ZFYVE21: variants seen among roughly 807,000 people sequenced by gnomAD.
ZFYVE21 encodes zinc finger FYVE-type containing 21.
In ZFYVE21, 21 loss-of-function variants were observed where a neutral mutation model predicts 29.5. That is an observed-to-expected ratio of 0.71 (90% CI 0.50 to 1.02). ZFYVE21 has a LOEUF of 1.02. Ranked by LOEUF, ZFYVE21 falls within the 50% of genes least tolerant of loss-of-function variation. ZFYVE21 has a pLI of 0.00. For missense variants in ZFYVE21, 326 were observed against 335.4 expected (o/e 0.97, Z 0.22); for synonymous variants, 151 against 133.8 (o/e 1.13, Z -0.89).
chr14:103,732,853 C>G, intron 6 of ZFYVE21, 91 bp downstream of exon 6: 1 of 1,599,616 alleles, frequency 6.3e-7, no homozygotes, highest in Non-Finnish European at 8.5e-7. Context: ...GCCATTTGCC[C>G]CCTATCCCCA....
chr14:103,716,071 CGCCTCCGGGCG>C lies in ZFYVE21; in HGVS notation c.138+96_138+106del. On this transcript the variant is annotated intron_variant, in intron 1 of 6. Coordinates refer to ENST00000311141, the MANE Select transcript of ZFYVE21 (RefSeq NM_024071.4). The surrounding 1 kb of genome is among the most constrained non-coding windows in gnomAD (Gnocchi z 4.8). ...TTCCAGGCTCCCGCGACGACCCCTC[CGCCTCCGGGCG>C]GCCCCTTCCCCAGCCGGCCCCCGCC... is the stretch of plus-strand genomic sequence containing the variant. The C allele has an allele frequency of 8.9e-7, 1 of 1,122,010 alleles. No individual in the cohort carries two copies. The highest frequency in any genetic ancestry group is 1.1e-6 in the Non-Finnish European group (1 of 910,646). The allele number at this position is 1,122,010 out of a possible 1,614,324, so 69.5% of individuals were successfully genotyped here. A position where few individuals can be genotyped will look rare whatever the true frequency, so the allele number is the denominator to read the frequency against.
chr14:103,723,600 G>C (rs560711548), intron 1 of ZFYVE21, among the ~76,000 whole-genome samples: 1 of 152,208 alleles, frequency 6.6e-6, no homozygotes, highest in African/African-American at 2.4e-5. Context: ...TGAGGCCCTC[G>C]TGTGGGTCGC....
At chr14:103,730,126 C>CT (rs1288234376) in intron 5 of ZFYVE21, 7 of 441,052 alleles carry the variant, frequency 1.6e-5, no homozygotes, top group Non-Finnish European at 2.8e-5. Context: ...CCTGAACAGG[C>CT]TGAGGCCAGG....
Position 103,716,475 on chromosome 14 carries a change from G to A in ZFYVE21, c.138+496G>A, listed in dbSNP as rs564332087. Among the ~76,000 whole-genome samples the A allele has an allele frequency of 4.3e-4, 66 of 152,346 alleles. No homozygotes were observed. Among genetic ancestry groups the A allele is most frequent in the Non-Finnish European group, 7.8e-4 (53 of 68,028 alleles). Reference sequence around the variant, plus strand: ...GGGTCCCTCCCGGGAACCGGGGGAGGCGTCGGTGCCGCGGGCGGGTGGCCG... The same window carrying A: ...GGGTCCCTCCCGGGAACCGGGGGAGACGTCGGTGCCGCGGGCGGGTGGCCG... On this transcript the variant is annotated intron_variant, in intron 1 of 6. Coordinates refer to ENST00000311141, the MANE Select transcript of ZFYVE21 (RefSeq NM_024071.4). The surrounding 1 kb of genome is among the most constrained non-coding windows in gnomAD (Gnocchi z 4.8).
Position 103,729,003 on chromosome 14 carries a change from T to G in ZFYVE21, c.434+20T>G. 1 of 1,613,932 alleles carries G rather than the reference T, an allele frequency of 6.2e-7. No individual in the cohort carries two copies. Among genetic ancestry groups the G allele is most frequent in the Non-Finnish European group, 8.5e-7 (1 of 1,179,932 alleles). On this transcript the variant is annotated intron_variant, in intron 4 of 6. Transcript: ENST00000311141. Reference sequence around the variant, plus strand: ...CCAGAGGTAAGAGCCGGATCCTGCTTGGCACGGGGCAGCATTGTCACAGAC... The same window carrying G: ...CCAGAGGTAAGAGCCGGATCCTGCTGGGCACGGGGCAGCATTGTCACAGAC...
At chr14:103,727,563 G>A in intron 2 of ZFYVE21, 183 bp from the exon 3 acceptor site, 1 of 764,578 alleles carries the variant, frequency 1.3e-6, no homozygotes, top group Non-Finnish European at 2.3e-6. Flanking sequence ...TCCCAGGTGA[G>A]GCGGATCCCC....
intron 1 of ZFYVE21, chr14:103,724,712 G>GA (rs1595690208): frequency 6.6e-6 from 1 of 152,262 alleles, no homozygotes; most frequent in African/African-American, 2.4e-5. Context: ...TCTCTCCCAA[G>GA]AGGACCCCTT....
chr14:103,727,637 GGGCCTCGCGTTT>G (rs777243903), intron 2 of ZFYVE21, 97 bp from the exon 3 acceptor site: 1 of 1,431,924 alleles, frequency 7.0e-7, no homozygotes, highest in Non-Finnish European at 9.6e-7. Context: ...GCCGGCACAG[GGGCCTCGCGTTT>G]AGGCGTGGCC....
chr14:103,718,683 G>A (rs2083848565), intron 1 of ZFYVE21, among the ~76,000 whole-genome samples: 1 of 152,188 alleles, frequency 6.6e-6, no homozygotes, highest in Non-Finnish European at 1.5e-5. Flanking sequence ...GGCGGTCCGG[G>A]CGTGCAGCCA....
In ZFYVE21 at chr14:103,728,992, C is replaced by T. The variant is rs745871678; in HGVS notation, c.434+9C>T. 14 of 1,613,766 alleles carry T rather than the reference C, an allele frequency of 8.7e-6. No homozygotes were observed. Among genetic ancestry groups the T allele is most frequent in the South Asian group, 5.5e-5 (5 of 91,060 alleles). ...CTTTCCAATAACCAGAGGTAAGAGCCGGATCCTGCTTGGCACGGGGCAGCA... is the reference window on the plus strand; with the variant it reads ...CTTTCCAATAACCAGAGGTAAGAGCTGGATCCTGCTTGGCACGGGGCAGCA... On this transcript the variant is annotated intron_variant, in intron 4 of 6. Coordinates refer to ENST00000311141, the MANE Select transcript of ZFYVE21 (RefSeq NM_024071.4).
intron 1 of ZFYVE21, among the ~76,000 whole-genome samples, chr14:103,717,837 T>C (rs1483947250): frequency 6.6e-6 from 1 of 152,134 alleles, no homozygotes; most frequent in Non-Finnish European, 1.5e-5. Context: ...TGTCTCTGAG[T>C]TTTGCGTTGT....
chr14:103,726,947 C>CG, intron 2 of ZFYVE21, 105 bp downstream of exon 2: 1 of 679,998 alleles, frequency 1.5e-6, no homozygotes, highest in Non-Finnish European at 2.2e-6. Context: ...TCTTATGGCT[C>CG]GTTTTTTTTT....
At chr14:103,721,363 C>T (rs765259057) in intron 1 of ZFYVE21, among the ~76,000 whole-genome samples, 10 of 152,346 alleles carry the variant, frequency 6.6e-5, no homozygotes, top group Non-Finnish European at 7.3e-5. Flanking sequence ...CCCTGATCCT[C>T]GCTCCCTCTT....
At chr14:103,718,868 G>T (rs373911548) in intron 1 of ZFYVE21, among the ~76,000 whole-genome samples, 2 of 152,226 alleles carry the variant, frequency 1.3e-5, no homozygotes, top group Non-Finnish European at 2.9e-5. Context: ...GAGAGAGCAC[G>T]TGCGCGTCTG....
In ZFYVE21 at chr14:103,723,052, T is replaced by C. The variant is rs144258121; in HGVS notation, c.139-3740T>C. ...TTTCACCACCGTCTGCTGAGAATAT[T>C]GAGAGCCCTCTCCCCTCCTGTCGGG... On this transcript the variant is annotated intron_variant, in intron 1 of 6. Coordinates refer to ENST00000311141, the MANE Select transcript of ZFYVE21 (RefSeq NM_024071.4). 7.0e-3 allele frequency among the ~76,000 whole-genome samples: 1,064 copies of C among 152,342 alleles called. 9 individuals carry two copies. The highest frequency in any genetic ancestry group is 0.024 in the African/African-American group (991 of 41,578).
rs539917931 is a variant in ZFYVE21 at position 103,716,028 on chromosome 14, C to G, written c.138+49C>G. 4.2e-6 allele frequency: 5 copies of G among 1,185,396 alleles called. No homozygotes were observed. The Admixed American group carries it at 1.8e-4, about 44-fold the overall frequency. 73.4% of individuals were successfully genotyped at this position (1,185,396 alleles called of 1,614,324 possible). ...GCGCCTCCGACCCGCCCCGCCGCCC[C>G]GGCCCGGCCCCGCGGGCTTCCAGGC... On this transcript the variant is annotated intron_variant, in intron 1 of 6. Transcript: ENST00000311141. This position sits in a 1 kb window ranked among gnomAD's most constrained non-coding sequence, Gnocchi z 4.8.
chr14:103,729,887 G>A (rs780265645), intron 5 of ZFYVE21: 16 of 1,533,790 alleles, frequency 1.0e-5, no homozygotes, highest in Middle Eastern at 1.7e-4. Flanking sequence ...CGCATGCAGC[G>A]GGCCCGTTCC....
chr14:103,721,699 A>G (rs1269384606), intron 1 of ZFYVE21, among the ~76,000 whole-genome samples: 1 of 152,140 alleles, frequency 6.6e-6, no homozygotes, highest in East Asian at 1.9e-4. Flanking sequence ...CTCCCTCTTC[A>G]TCTCTGTGTG....
rs549412639 is a variant in ZFYVE21 at position 103,727,991 on chromosome 14, T to C, written c.358+77T>C. 1.7e-4 allele frequency: 255 copies of C among 1,458,614 alleles called. No homozygotes were observed. In the African/African-American group the frequency reaches 3.1e-3, roughly 18 times the overall value. The allele number at this position is 1,458,614 out of a possible 1,614,324, so 90.4% of individuals were successfully genotyped here. ...GTGTCTGTGGCGATGCTGTGGGCTG[T>C]GCACGGGGCGTTCTGCTTCTCTGAC... On this transcript the variant is annotated intron_variant, in intron 3 of 6. Transcript: ENST00000311141.
Sources: gnomAD v4.1 joint callset for allele counts (sites outside exome capture counted in the v4.1 genomes callset) on GRCh38, gnomAD v4.1.1 for gene constraint, Gnocchi (gnomAD v3.1) non-coding constraint, MANE v1.5 for transcripts, NCBI Gene and HGNC (gene_info 2026-07-23, HGNC 2026-07-21) for gene names.